The following DAB1 variants were observed in gnomAD, a reference collection of about 807,000 sequenced individuals.
DAB1 encodes DAB adaptor protein 1.
In DAB1, 15 loss-of-function variants were observed where a neutral mutation model predicts 64.6. The ratio of observed to expected loss-of-function variants is 0.23; its 90% CI spans 0.16 to 0.36. The LOEUF (loss-of-function observed/expected upper bound fraction) is 0.36. DAB1 is among the 10% of genes least tolerant of loss of function. DAB1 has a pLI of 1.00. For synonymous variants in DAB1, 235 were observed against 251.9 expected (o/e 0.93, Z 0.64); for missense variants, 596 against 706.7 (o/e 0.84, Z 1.78).
intron 4 of DAB1, among the ~76,000 whole-genome samples, chr1:57,097,770 AT>A (rs1654300719): frequency 2.1e-4 from 5 of 23,922 alleles, no homozygotes; most frequent in Non-Finnish European, 5.4e-4. Context: ...ATTATTATTT[AT>A]TTATTTATTT....
At chr1:58,407,741 C>T (rs1644629862) in intron 3 of DAB1, among the ~76,000 whole-genome samples, 1 of 152,200 alleles carries the variant, frequency 6.6e-6, no homozygotes, top group South Asian at 2.1e-4. Flanking sequence ...CCTGCAATAT[C>T]TTCCTATCAG....
chr1:57,107,709 G>C (rs76477333), intron 4 of DAB1, among the ~76,000 whole-genome samples: 4,483 of 152,246 alleles, frequency 0.029, 92 homozygotes, highest in Non-Finnish European at 0.042. Flanking sequence ...TTCTTTCTGT[G>C]CTGGCTCACA....
At chr1:58,013,585 A>C (rs1646699562) in intron 5 of DAB1, among the ~76,000 whole-genome samples, 1 of 152,186 alleles carries the variant, frequency 6.6e-6, no homozygotes, top group Admixed American at 6.5e-5. Flanking sequence ...TTGGACAGTA[A>C]ATGTCAGGCA....
At chr1:58,042,405 C>T (rs1176321938) in intron 5 of DAB1, among the ~76,000 whole-genome samples, 1 of 152,172 alleles carries the variant, frequency 6.6e-6, no homozygotes, top group Admixed American at 6.5e-5. Context: ...CTGTTAGACA[C>T]TAGGAACATA....
At chr1:58,048,241 C>T (rs1647371252) in intron 5 of DAB1, 2 of 1,290,822 alleles carry the variant, frequency 1.5e-6, no homozygotes, top group Non-Finnish European at 1.1e-6. Flanking sequence ...CTTGGTTTCA[C>T]AGTTTGGCAA....
chr1:57,100,421 G>C (rs61765294), intron 4 of DAB1, among the ~76,000 whole-genome samples: 10,599 of 152,124 alleles, frequency 0.07, 886 homozygotes, highest in African/African-American at 0.2. Flanking sequence ...AGCACTGACT[G>C]ACTGCTGTGT....
intron 7 of DAB1, among the ~76,000 whole-genome samples, chr1:57,589,925 T>G (rs1645424071): frequency 6.6e-6 from 1 of 152,246 alleles, no homozygotes; most frequent in Admixed American, 6.5e-5. Context: ...AGGAGATAAA[T>G]AGACCCTCTT....
intron 1 of DAB1, among the ~76,000 whole-genome samples, chr1:57,370,798 C>A (rs116382271): frequency 0.016 from 2,409 of 152,226 alleles, 56 homozygotes; most frequent in African/African-American, 0.054. Context: ...ATCCACTGTA[C>A]CTTGTAAATA....
intron 2 of DAB1, among the ~76,000 whole-genome samples, chr1:57,212,294 A>G (rs527889892): frequency 6.6e-6 from 1 of 152,176 alleles, no homozygotes; most frequent in South Asian, 2.1e-4. Context: ...GGATAAAGAC[A>G]ATAATGATTA....
chr1:57,515,705 T>G (rs1424674510), intron 7 of DAB1, among the ~76,000 whole-genome samples: 1 of 152,226 alleles, frequency 6.6e-6, no homozygotes, highest in East Asian at 1.9e-4. Context: ...TCATTGCTCC[T>G]TTGTTCTTTC....
intron 11 of DAB1, among the ~76,000 whole-genome samples, chr1:57,018,835 T>A (rs1646519030): frequency 1.3e-5 from 2 of 152,234 alleles, no homozygotes; most frequent in African/African-American, 4.8e-5. Context: ...TCTTCATCAC[T>A]ATCTTCAATC....
intron 6 of DAB1, among the ~76,000 whole-genome samples, chr1:57,763,391 G>A (rs1456666939): frequency 1.3e-5 from 2 of 152,108 alleles, no homozygotes; most frequent in African/African-American, 4.8e-5. Context: ...TTAAATATCT[G>A]TCTAGGCTGG....
At chr1:58,186,376 T>C (rs1458878278) in intron 4 of DAB1, among the ~76,000 whole-genome samples, 1 of 152,240 alleles carries the variant, frequency 6.6e-6, no homozygotes, top group Non-Finnish European at 1.5e-5. Flanking sequence ...CTTTAATTGA[T>C]TACTTTTTGC....
chr1:58,384,730 C>T lies in DAB1; in HGVS notation n.258-41327G>A, dbSNP rs370754124. ...TCTGTGGCCAAAGGCCCAAAGGCCCCTGGAAAACCAGTGGTGTAAGTCCAA... is the reference window on the plus strand; with the variant it reads ...TCTGTGGCCAAAGGCCCAAAGGCCCTTGGAAAACCAGTGGTGTAAGTCCAA... On this transcript the variant is annotated intron_variant and non_coding_transcript_variant, in intron 3 of 20. Coordinates refer to the DAB1 transcript ENST00000485760. Among the ~76,000 whole-genome samples, 25 of 152,318 alleles carry T rather than the reference C, an allele frequency of 1.6e-4. 1 individual carries two copies. The East Asian group carries it at 4.6e-3, about 28-fold the overall frequency.
chr1:57,821,496 C>G (rs992957866), downstream of DAB1, among the ~76,000 whole-genome samples: 1 of 152,210 alleles, frequency 6.6e-6, no homozygotes, highest in Admixed American at 6.5e-5. Context: ...TGGCATTTCT[C>G]CCTTTCCCAT....
intron 4 of DAB1, among the ~76,000 whole-genome samples, chr1:57,118,472 C>T (rs1656341631): frequency 6.6e-6 from 1 of 152,090 alleles, no homozygotes; most frequent in South Asian, 2.1e-4. Context: ...CAGCTTAAAA[C>T]AGACTGGGAG....
In DAB1 at chr1:57,201,692, T is replaced by A. The variant is rs61765578; in HGVS notation, c.68-56263A>T. On this transcript the variant is annotated intron_variant, in intron 2 of 14. Transcript: ENST00000371236. The stretch of plus-strand genomic sequence containing the variant: ...GAGCTTCCGTTCTAGTGGAACATAG[T>A]ATTTTCTCCCAAAGCTCTTATAATT... 8.5e-3 allele frequency among the ~76,000 whole-genome samples: 1,297 copies of A among 152,266 alleles called. 31 individuals are homozygous for A. The East Asian group carries it at 0.091, about 11-fold the overall frequency.
chr1:57,229,147 G>T (rs1667485393), intron 2 of DAB1, among the ~76,000 whole-genome samples: 1 of 150,608 alleles, frequency 6.6e-6, no homozygotes, highest in South Asian at 2.1e-4. Flanking sequence ...AACAAAAGTA[G>T]AACTACAGAG....
intron 6 of DAB1, among the ~76,000 whole-genome samples, chr1:57,758,888 T>C (rs762445960): frequency 2.2e-4 from 34 of 152,338 alleles, no homozygotes; most frequent in Admixed American, 5.9e-4. Flanking sequence ...CATTATCCTT[T>C]TGACATTTCT....
Sources: allele counts gnomAD v4.1 joint callset (sites outside exome capture counted in the v4.1 genomes callset), GRCh38; gene constraint gnomAD v4.1.1; transcripts MANE v1.5; gene names NCBI Gene and HGNC (gene_info 2026-07-23, HGNC 2026-07-21).